Variants in ME3 observed in about 807,000 individuals in gnomAD.
ME3 encodes the protein NADP-dependent malic enzyme, mitochondrial.
ME3 carries 48 observed loss-of-function variants against 68.9 expected under a neutral mutation model. That is an observed-to-expected ratio of 0.70 (90% confidence interval 0.55 to 0.89). The LOEUF is 0.89. ME3 is among the 40% of genes least tolerant of loss of function. The pLI, the probability that ME3 is intolerant of heterozygous loss-of-function variation, is 0.00. For missense variants in ME3, 675 were observed against 797.4 expected (o/e 0.85, Z 1.85); for synonymous variants, 320 against 318.8 (o/e 1.00, Z -0.04).
intron 2 of ME3, among the ~76,000 whole-genome samples, chr11:86,647,842 G>A (rs1182017975): frequency 6.6e-6 from 1 of 152,146 alleles, no homozygotes; most frequent in African/African-American, 2.4e-5. Context: ...ATATTAGACA[G>A]ATCAACGAGA....
Position 86,448,176 on chromosome 11 carries a change from C to A in ME3, c.1211G>T (p.Arg404Met), listed in dbSNP as rs765178055. The change falls in exon 11 of 15, where the codon AGG (arginine) becomes ATG (methionine). Residue 404 changes from arginine to methionine, a missense_variant. Coordinates refer to ENST00000543262, the Ensembl canonical transcript of ME3. Reference sequence around the variant, plus strand: ...TATGATGGCTGTGGGCTTCACCAGCCTCACCACCTCCTCCAGGGAGTTGAC... The same window carrying A: ...TATGATGGCTGTGGGCTTCACCAGCATCACCACCTCCTCCAGGGAGTTGAC... 8 of 1,614,074 alleles carry A rather than the reference C, an allele frequency of 5.0e-6. No individual in the cohort carries two copies. Among genetic ancestry groups the A allele is most frequent in the Non-Finnish European group, 6.8e-6 (8 of 1,179,946 alleles).
At chr11:86,447,798 C>T (rs1348531504) in intron 11 of ME3, among the ~76,000 whole-genome samples, 2 of 144,656 alleles carry the variant, frequency 1.4e-5, no homozygotes, top group Non-Finnish European at 3.0e-5. Flanking sequence ...GCGGAGGTTG[C>T]AGTGAGCTGA....
chr11:86,668,415 A>G (rs1428215788), intron 2 of ME3, among the ~76,000 whole-genome samples: 1 of 152,230 alleles, frequency 6.6e-6, no homozygotes, highest in East Asian at 1.9e-4. Context: ...CTTTAAAAAA[A>G]TTGCTGGTAG....
At chr11:86,509,506 ATACCTT>A (rs1382509971) in intron 4 of ME3, among the ~76,000 whole-genome samples, 1 of 152,206 alleles carries the variant, frequency 6.6e-6, no homozygotes, top group Non-Finnish European at 1.5e-5. Context: ...AGCAGGAATT[ATACCTT>A]TTGGGATTTG....
intron 4 of ME3, among the ~76,000 whole-genome samples, chr11:86,554,015 A>G (rs1306064934): frequency 6.6e-6 from 1 of 152,200 alleles, no homozygotes; most frequent in East Asian, 1.9e-4. Context: ...CCCATTTGCA[A>G]TTGAGATGAT....
chr11:86,571,512 G>A (rs1408677501), intron 2 of ME3, among the ~76,000 whole-genome samples: 1 of 152,196 alleles, frequency 6.6e-6, no homozygotes, highest in Non-Finnish European at 1.5e-5. Flanking sequence ...ACCACACTGT[G>A]GCTATTGAGC....
intron 7 of ME3, among the ~76,000 whole-genome samples, chr11:86,471,719 C>T (rs1350421473): frequency 6.6e-6 from 1 of 152,186 alleles, no homozygotes; most frequent in Admixed American, 6.5e-5. Context: ...ATCCCAGCTG[C>T]TCAAGAGGCT....
At chr11:86,437,935 G>T (rs564035571), downstream of ME3, among the ~76,000 whole-genome samples, 4 of 152,166 alleles carry the variant, frequency 2.6e-5, no homozygotes, top group Non-Finnish European at 5.9e-5. Context: ...GTGAATCAAG[G>T]CAGTATTACT....
chr11:86,473,877 CG>C (rs1950916593), intron 7 of ME3, among the ~76,000 whole-genome samples: 1 of 152,112 alleles, frequency 6.6e-6, no homozygotes, highest in Non-Finnish European at 1.5e-5. Context: ...ATCATAGGAA[CG>C]ACTGTTTGTG....
rs975357442 is a variant in ME3, at chr11:86,453,473, C to T, written c.920-3075G>A. Reference sequence around the variant, plus strand: ...CCAACTTGCTCTATGCTGGGCTCTGCCAATAGTAGGTGCTAGAGGGAGACA... The same window carrying T: ...CCAACTTGCTCTATGCTGGGCTCTGTCAATAGTAGGTGCTAGAGGGAGACA... On this transcript the variant is annotated intron_variant, in intron 8 of 14. Coordinates refer to ENST00000543262, the Ensembl canonical transcript of ME3. 3.3e-5 allele frequency among the ~76,000 whole-genome samples: 5 copies of T among 152,252 alleles called. No individual in the cohort carries two copies. The South Asian group carries it at 1.0e-3, about 32-fold the overall frequency.
intron 2 of ME3, among the ~76,000 whole-genome samples, chr11:86,664,659 G>C (rs528789956): frequency 7.2e-5 from 11 of 152,164 alleles, no homozygotes; most frequent in Non-Finnish European, 1.3e-4. Flanking sequence ...TTCCGAGCAG[G>C]GATGAAGTCT....
chr11:86,451,050 T>C (rs1259374318), intron 8 of ME3, among the ~76,000 whole-genome samples: 2 of 152,250 alleles, frequency 1.3e-5, no homozygotes, highest in African/African-American at 4.8e-5. Context: ...TTACAAGTTG[T>C]TGTGAATAAA....
At position 86,514,221 on chromosome 11, in the gene ME3, C is replaced by CTG. The variant is rs766309545; in HGVS notation, c.468-5355_468-5354insCA. On this transcript the variant is annotated intron_variant, in intron 4 of 14. Coordinates refer to ENST00000543262, the Ensembl canonical transcript of ME3. ...TAATCATAAGTTTCCTGAGGCCTCC[C>CTG]CAGCCATGTGGAACTGCAAGTCTAT... 1.6e-3 allele frequency among the ~76,000 whole-genome samples: 242 copies of CTG among 152,134 alleles called. 2 individuals carry two copies. Among genetic ancestry groups the CTG allele is most frequent in the Non-Finnish European group, 3.0e-3 (205 of 68,028 alleles).
chr11:86,455,804 G>C (rs1019841847), intron 8 of ME3, among the ~76,000 whole-genome samples: 17 of 152,088 alleles, frequency 1.1e-4, no homozygotes, highest in African/African-American at 4.1e-4. Context: ...ACTATATCAT[G>C]GTCAGGCTCA....
At chr11:86,635,898 T>A (rs11821546) in intron 2 of ME3, among the ~76,000 whole-genome samples, 1 of 152,154 alleles carries the variant, frequency 6.6e-6, no homozygotes, top group African/African-American at 2.4e-5. Flanking sequence ...AAGCACAGTC[T>A]GGTCAAATGG....
intron 7 of ME3, among the ~76,000 whole-genome samples, chr11:86,478,434 CA>C (rs1318510222): frequency 2.0e-5 from 3 of 151,792 alleles, no homozygotes; most frequent in Non-Finnish European, 4.4e-5. Context: ...ATTCTACAGC[CA>C]GTAAGATTAC....
chr11:86,437,264 C>G (rs543281501), downstream of ME3: 1 of 152,206 alleles, frequency 6.6e-6, no homozygotes, highest in Non-Finnish European at 1.5e-5. Flanking sequence ...GAATAGTATT[C>G]CATTGCACAT....
At chr11:86,635,513 T>C (rs963943954) in intron 2 of ME3, among the ~76,000 whole-genome samples, 1 of 152,190 alleles carries the variant, frequency 6.6e-6, no homozygotes, top group Non-Finnish European at 1.5e-5. Flanking sequence ...TAACTTACTC[T>C]CCATTGTAAT....
In ME3 at chr11:86,655,280, G is replaced by A. The variant is rs1292165631; in HGVS notation, c.183+16482C>T. ...TTCATATGGAACCAAAAAAGAGCCT[G>A]CATCGCCAAGTCAATCCTAAGCCAA... On this transcript the variant is annotated intron_variant, in intron 2 of 14. Coordinates refer to ENST00000543262, the Ensembl canonical transcript of ME3. Among the ~76,000 whole-genome samples the A allele has an allele frequency of 3.3e-5, 5 of 152,066 alleles. No homozygotes were observed. The East Asian group carries it at 5.8e-4, about 18-fold the overall frequency.
Sources: allele counts gnomAD v4.1 joint callset (sites outside exome capture counted in the v4.1 genomes callset), GRCh38; gene constraint gnomAD v4.1.1; transcripts MANE v1.5; gene names NCBI Gene and HGNC (gene_info 2026-07-23, HGNC 2026-07-21).